The following MLLT10 variants were observed in gnomAD, a reference collection of about 807,000 sequenced individuals.
MLLT10 encodes the protein protein AF-10.
A neutral mutation model predicts 129.1 loss-of-function variants in MLLT10; 30 were observed. That is an observed-to-expected ratio of 0.23 (90% CI 0.17 to 0.32). The LOEUF (loss-of-function observed/expected upper bound fraction) is 0.32, where lower values mean the gene tolerates loss of function less well. Among genes scored for constraint, MLLT10 ranks in the 10% least tolerant of loss-of-function variants. The pLI is 1.00. For synonymous variants in MLLT10, 490 were observed against 446.4 expected, an observed-to-expected ratio of 1.10 and a Z score of -1.23; for missense variants, 1,119 against 1,268.3, an observed-to-expected ratio of 0.88 and a Z score of 1.79.
rs541284232 is a variant in MLLT10, at chr10:21,648,282, G to T, written c.700-3391G>T. On this transcript the variant is annotated intron_variant, in intron 8 of 22. Coordinates refer to ENST00000307729, the MANE Select transcript of MLLT10 (RefSeq NM_001195626.3). ...GCACAGTGTGTTCCAGTGAACACTTGTAATGCTCATTGCAGGATACATTTC... is the reference window on the plus strand; with the variant it reads ...GCACAGTGTGTTCCAGTGAACACTTTTAATGCTCATTGCAGGATACATTTC... Among the ~76,000 whole-genome samples the T allele has an allele frequency of 2.0e-5, 3 of 152,320 alleles. No homozygotes were observed. The East Asian group carries it at 5.8e-4, about 29-fold the overall frequency.
chr10:21,672,168 A>AGTGTGTGTGTGTGTGTGTGTGTGTGTGT (rs55769872), intron 10 of MLLT10, among the ~76,000 whole-genome samples: 9 of 134,296 alleles, frequency 6.7e-5, no homozygotes, highest in Admixed American at 2.2e-4. Context: ...CCAGGTTTTC[A>AGTGTGTGTGTGTGTGTGTGTGTGTGTGT]GTGTGTGTGT....
Position 21,742,227 on chromosome 10 carries a change from TTAA to T in MLLT10, c.*248_*250del, listed in dbSNP as rs1833768695. On this transcript the variant is annotated 3_prime_UTR_variant, in exon 23 of 23. Coordinates refer to ENST00000307729, the MANE Select transcript of MLLT10 (RefSeq NM_001195626.3). Reference sequence around the variant, plus strand: ...AGTTTTTTGAACATGGAAAGAAAATTTAATAACTTTTTAAAGTGACATAATTTA... The same window carrying T: ...AGTTTTTTGAACATGGAAAGAAAATTTAACTTTTTAAAGTGACATAATTTA... 2.5e-6 allele frequency: 1 copy of T among 405,420 alleles called. No individual in the cohort carries two copies. Among genetic ancestry groups the T allele is most frequent in the Non-Finnish European group, 4.4e-6 (1 of 229,316 alleles). 25.1% of individuals were successfully genotyped at this position (405,420 alleles called of 1,614,324 possible).
At chr10:21,542,868 A>G (rs2035427229) in intron 3 of MLLT10, among the ~76,000 whole-genome samples, 1 of 152,232 alleles carries the variant, frequency 6.6e-6, no homozygotes, top group Non-Finnish European at 1.5e-5. Flanking sequence ...TCCAGGTGAC[A>G]AAGTGAAACC....
intron 5 of MLLT10, among the ~76,000 whole-genome samples, chr10:21,610,513 G>T (rs1275246725): frequency 6.6e-6 from 1 of 152,050 alleles, no homozygotes; most frequent in Non-Finnish European, 1.5e-5. Flanking sequence ...ATTTTTTTCT[G>T]TATGTCGGTA....
intron 3 of MLLT10, among the ~76,000 whole-genome samples, chr10:21,568,431 G>C (rs1316480041): frequency 1.3e-5 from 2 of 152,058 alleles, no homozygotes; most frequent in South Asian, 2.1e-4. Flanking sequence ...CTATTTTTCT[G>C]TTATCTATTT....
intron 15 of MLLT10, among the ~76,000 whole-genome samples, chr10:21,727,551 A>G (rs2057613342): frequency 6.6e-6 from 1 of 152,234 alleles, no homozygotes; most frequent in African/African-American, 2.4e-5. Context: ...CGTAGAAATT[A>G]AAAGTGGCTG....
rs753966493 is a variant in MLLT10, at chr10:21,595,404, T to C, written c.369T>C (p.Ile123=). Residue 123 remains isoleucine (I), a synonymous_variant, in exon 5 of 23, where the codon ATT becomes ATC. Transcript: ENST00000307729. ...CCAATGTTTCCACAATGGAACCAAT[T>C]GTTTTACAGTCTGTTCCGCATGATC... ...QFANVSTMEP[I]VLQSVPHDRY... 11 of 1,613,616 alleles carry C rather than the reference T, an allele frequency of 6.8e-6. No individual in the cohort carries two copies. Among genetic ancestry groups the C allele is most frequent in the Non-Finnish European group, 1.7e-6 (2 of 1,179,690 alleles).
At chr10:21,625,455 C>G (rs1448171663) in intron 8 of MLLT10, 1 of 988,128 alleles carries the variant, frequency 1.0e-6, no homozygotes, top group East Asian at 2.4e-5. Context: ...GCCATGACTT[C>G]TGGATATGGT....
intron 3 of MLLT10, among the ~76,000 whole-genome samples, chr10:21,577,558 A>G (rs2040909618): frequency 6.8e-6 from 1 of 147,248 alleles, no homozygotes; most frequent in African/African-American, 2.5e-5. Flanking sequence ...TGCAGTCTTC[A>G]CCTCCTGGGT....
At chr10:21,645,432 G>A (rs1046089730) in intron 8 of MLLT10, among the ~76,000 whole-genome samples, 1 of 152,068 alleles carries the variant, frequency 6.6e-6, no homozygotes, top group Non-Finnish European at 1.5e-5. Context: ...ATGATATTTT[G>A]TGTTATTTGA....
chr10:21,742,130 T>A lies in MLLT10; in HGVS notation c.*147T>A. On this transcript the variant is annotated 3_prime_UTR_variant, in exon 23 of 23. Transcript: ENST00000307729. ...ATTAATTGCTGCAAGGACATTCTTG[T>A]AAGGCTTTGATTAGTTTTCTTGTTG... is the stretch of plus-strand genomic sequence containing the variant. The A allele has an allele frequency of 1.4e-6, 1 of 692,142 alleles. No individual in the cohort carries two copies. The highest frequency in any genetic ancestry group is 2.4e-6 in the Non-Finnish European group (1 of 419,514). The allele number at this position is 692,142 out of a possible 1,614,324, so 42.9% of individuals were successfully genotyped here.
At chr10:21,537,241 A>T (rs2034200830) in intron 2 of MLLT10, among the ~76,000 whole-genome samples, 1 of 152,188 alleles carries the variant, frequency 6.6e-6, no homozygotes, top group Non-Finnish European at 1.5e-5. Flanking sequence ...CTGAATTTAT[A>T]TTCTGCTGTG....
At chr10:21,555,225 T>A (rs575506357) in intron 3 of MLLT10, among the ~76,000 whole-genome samples, 1 of 152,134 alleles carries the variant, frequency 6.6e-6, no homozygotes, top group Non-Finnish European at 1.5e-5. Context: ...TTAAATTTAA[T>A]TTAATTTTAT....
At chr10:21,717,662 CTCT>C (rs1180677751) in intron 14 of MLLT10, among the ~76,000 whole-genome samples, 16 of 128,408 alleles carry the variant, frequency 1.2e-4, no homozygotes, top group African/African-American at 3.7e-4. Flanking sequence ...CTTCCTCCTC[CTCT>C]TCCTCCTCCT....
intron 21 of MLLT10, among the ~76,000 whole-genome samples, chr10:21,737,961 G>T (rs568165102): frequency 6.6e-6 from 1 of 152,226 alleles, no homozygotes; most frequent in East Asian, 1.9e-4. Context: ...CACACTGCAT[G>T]TAAGTGTATA....
intron 3 of MLLT10, among the ~76,000 whole-genome samples, chr10:21,572,813 A>T (rs1310583866): frequency 1.3e-5 from 2 of 151,780 alleles, no homozygotes; most frequent in African/African-American, 2.4e-5. Context: ...GGGTTTCACC[A>T]TTGTTGGCCA....
At chr10:21,685,359 G>C (rs1358268303) in intron 13 of MLLT10, among the ~76,000 whole-genome samples, 1 of 152,158 alleles carries the variant, frequency 6.6e-6, no homozygotes, top group Admixed American at 6.5e-5. Flanking sequence ...TTTTGAGATG[G>C]AGTCTCACTC....
chr10:21,575,907 C>CT (rs2040682726), intron 3 of MLLT10, among the ~76,000 whole-genome samples: 2 of 151,812 alleles, frequency 1.3e-5, no homozygotes, highest in South Asian at 2.1e-4. Context: ...CACTCACCAT[C>CT]TTTTTTTTCT....
Position 21,534,318 on chromosome 10 carries a change from C to CCA in MLLT10, c.-202_-201insAC, listed in dbSNP as rs1159442587. Reference sequence around the variant, plus strand: ...TGGCCCAGCGGGAGCCCCCCCTCCCCCCAGTGCGCCTGTGCGGAGGCCCTC... The same window carrying CCA: ...TGGCCCAGCGGGAGCCCCCCCTCCCCCACCAGTGCGCCTGTGCGGAGGCCCTC... On this transcript the variant is annotated 5_prime_UTR_variant, in exon 1 of 23. Coordinates refer to ENST00000307729, the MANE Select transcript of MLLT10 (RefSeq NM_001195626.3). 5 of 395,236 alleles carry CCA rather than the reference C, an allele frequency of 1.3e-5. No individual in the cohort carries two copies. The highest frequency in any genetic ancestry group is 8.8e-5 in the Admixed American group (2 of 22,670). 24.5% of individuals were successfully genotyped at this position (395,236 alleles called of 1,614,324 possible). A position where few individuals can be genotyped will look rare whatever the true frequency, so the allele number is the denominator to read the frequency against.
Sources: gnomAD v4.1 joint callset for allele counts (sites outside exome capture counted in the v4.1 genomes callset) on GRCh38, gnomAD v4.1.1 for gene constraint, MANE v1.5 for transcripts, NCBI Gene and HGNC (gene_info 2026-07-23, HGNC 2026-07-21) for gene names.